Variants in SDR42E1 observed in about 807,000 individuals in gnomAD.
SDR42E1 encodes the protein short-chain dehydrogenase/reductase family 42E member 1.
In SDR42E1, 5 loss-of-function variants were observed where a neutral mutation model predicts 2.6. That is an observed-to-expected ratio of 1.94 (90% CI 1.01 to 4.08). The LOEUF is 4.08. Ranked by LOEUF, SDR42E1 falls within the 30% of genes most tolerant of loss-of-function variation. The pLI, the probability that SDR42E1 is intolerant of heterozygous loss-of-function variation, is 0.00. For missense variants in SDR42E1, 596 were observed against 478.6 expected, an observed-to-expected ratio of 1.25 and a Z score of -2.29; for synonymous variants, 231 against 188.3, an observed-to-expected ratio of 1.23 and a Z score of -1.86.
chr16:82,007,831 T>G (rs4889450), intron 1 of SDR42E1: 145,426 of 152,306 alleles, frequency 0.95, 69,510 homozygotes, highest in East Asian at 1. Flanking sequence ...TTCCCTGTGT[T>G]ACCCTAGGCA....
At chr16:82,006,802 C>G (rs1338565174) in intron 1 of SDR42E1, among the ~76,000 whole-genome samples, 1 of 151,544 alleles carries the variant, frequency 6.6e-6, no homozygotes, top group Non-Finnish European at 1.5e-5. Flanking sequence ...TCAAAAAAAA[C>G]AAAAAACAAA....
At position 81,999,878 on chromosome 16, in the gene SDR42E1, A is replaced by T; in HGVS notation, c.415T>A (p.Ser139Thr). The T allele has an allele frequency of 6.2e-7, 1 of 1,614,130 alleles. No individual in the cohort carries two copies. The highest frequency in any genetic ancestry group is 8.5e-7 in the Non-Finnish European group (1 of 1,180,038). Residue 139 changes from serine (S) to threonine (T), a missense_variant, in exon 3 of 3, where the codon TCT (serine) becomes ACT (threonine). By Grantham distance (58) the Ser-to-Thr change is moderately conservative. Transcript: ENST00000328945. Reference protein sequence around the residue: ...GGQVIRNGDESLPYLPLHLHP... With the variant: ...GGQVIRNGDETLPYLPLHLHP... ...AGGTGAAGAGGCAGGTAGGGCAGAGATTCATCCCCATTTCTGATAACTTGA... is the reference window on the plus strand; with the variant it reads ...AGGTGAAGAGGCAGGTAGGGCAGAGTTTCATCCCCATTTCTGATAACTTGA...
intron 1 of SDR42E1, among the ~76,000 whole-genome samples, chr16:82,010,111 C>G (rs1257933250): frequency 1.3e-5 from 2 of 152,214 alleles, no homozygotes; most frequent in Non-Finnish European, 2.9e-5. Context: ...AACTGTGAGT[C>G]CATCAAACCT....
chr16:82,002,362 T>C (rs901458112), intron 1 of SDR42E1, among the ~76,000 whole-genome samples: 17 of 152,184 alleles, frequency 1.1e-4, no homozygotes, highest in African/African-American at 3.6e-4. Context: ...TTCTCTTCTG[T>C]CTGGTTGTGT....
intron 1 of SDR42E1, among the ~76,000 whole-genome samples, chr16:82,005,796 A>G (rs572749911): frequency 1.6e-4 from 25 of 152,304 alleles, no homozygotes; most frequent in African/African-American, 5.8e-4. Flanking sequence ...ATTTTAGTGG[A>G]TACAGGTTAA....
At chr16:82,010,787 C>A (rs75149747) in intron 1 of SDR42E1, among the ~76,000 whole-genome samples, 6,640 of 152,234 alleles carry the variant, frequency 0.044, 590 homozygotes, top group East Asian at 0.22. Flanking sequence ...TCGTCAGGAC[C>A]GCCTGAGGCT....
intron 1 of SDR42E1, among the ~76,000 whole-genome samples, chr16:82,006,167 TTTAAGACTG>T (rs1449949200): frequency 6.6e-6 from 1 of 151,450 alleles, no homozygotes; most frequent in Non-Finnish European, 1.5e-5. Flanking sequence ...ACAGCGGGAA[TTTAAGACTG>T]TTACCATAAA....
rs1912705141 is a variant in SDR42E1, at chr16:82,000,127, CTTG to C, written c.163_165del (p.Gln55del). The stretch of plus-strand genomic sequence containing the variant: ...ACGTCAGACAGGTGGCGGATGTCTC[CTTG>C]TATAAACTTGATTCCTTCTGGAATG... On this transcript the variant is annotated inframe_deletion, in exon 3 of 3. Coordinates refer to ENST00000328945, the MANE Select transcript of SDR42E1 (RefSeq NM_145168.3). 6.2e-7 allele frequency: 1 copy of C among 1,614,220 alleles called. No homozygotes were observed. The highest frequency in any genetic ancestry group is 1.3e-5 in the African/African-American group (1 of 75,054).
chr16:82,009,678 G>T (rs1285730804), intron 1 of SDR42E1, among the ~76,000 whole-genome samples: 2 of 152,222 alleles, frequency 1.3e-5, no homozygotes, highest in African/African-American at 4.8e-5. Flanking sequence ...GAAGGGGCTT[G>T]CCTTGCCTCA....
intron 1 of SDR42E1, among the ~76,000 whole-genome samples, chr16:82,005,418 C>G (rs530284424): frequency 2.0e-5 from 3 of 152,180 alleles, no homozygotes; most frequent in Non-Finnish European, 4.4e-5. Flanking sequence ...GCCAGTAAAG[C>G]CTTCACAGGA....
chr16:81,995,041 A>C lies in SDR42E1; in HGVS notation c.*4070T>G, dbSNP rs1421390354. On this transcript the variant is annotated 3_prime_UTR_variant, in exon 3 of 3. Coordinates refer to ENST00000328945, the MANE Select transcript of SDR42E1 (RefSeq NM_145168.3). Reference sequence around the variant, plus strand: ...ACCAGAAACGGCACTGAGGACATCCAAGAAGTATTTCCAACAGGCTTTCCA... The same window carrying C: ...ACCAGAAACGGCACTGAGGACATCCCAGAAGTATTTCCAACAGGCTTTCCA... The C allele has an allele frequency of 1.3e-5, 2 of 152,230 alleles. No homozygotes were observed. The highest frequency in any genetic ancestry group is 2.9e-5 in the Non-Finnish European group (2 of 68,068). The allele number at this position is 152,230 out of a possible 1,614,324, so 9.4% of individuals were successfully genotyped here. A position where few individuals can be genotyped will look rare whatever the true frequency, so the allele number is the denominator to read the frequency against.
rs576816229 is a variant in SDR42E1 at position 82,000,614 on chromosome 16, C to T, written c.68+177G>A. Among the ~76,000 whole-genome samples, 5 of 152,278 alleles carry T rather than the reference C, an allele frequency of 3.3e-5. 1 individual carries two copies. The South Asian group carries it at 1.0e-3, about 32-fold the overall frequency. On this transcript the variant is annotated intron_variant, in intron 2 of 2. Coordinates refer to ENST00000328945, the MANE Select transcript of SDR42E1 (RefSeq NM_145168.3). ...TTTAATGGCTTTATAAATAATTTTT[C>T]TTTAAGTGAAATATACCTGTAGTTC...
intron 1 of SDR42E1, among the ~76,000 whole-genome samples, chr16:82,002,724 T>C (rs1453035282): frequency 6.6e-6 from 1 of 152,190 alleles, no homozygotes; most frequent in Non-Finnish European, 1.5e-5. Flanking sequence ...TTGTGTGATT[T>C]TGGACTGTGT....
At chr16:82,007,384 GC>G (rs911361718) in intron 1 of SDR42E1, among the ~76,000 whole-genome samples, 3 of 152,164 alleles carry the variant, frequency 2.0e-5, no homozygotes, top group African/African-American at 7.2e-5. Context: ...CTTACTCTCT[GC>G]CAGGCATTGT....
At chr16:82,005,878 A>G (rs184613593) in intron 1 of SDR42E1, among the ~76,000 whole-genome samples, 2 of 152,252 alleles carry the variant, frequency 1.3e-5, no homozygotes, top group Non-Finnish European at 2.9e-5. Flanking sequence ...TAAATTTAAA[A>G]ATCCACCTGA....
rs1408973355 is a variant in SDR42E1, at chr16:81,989,870, C to T, written c.*9241G>A. 6.6e-6 allele frequency: 1 copy of T among 152,134 alleles called. No homozygotes were observed. Among genetic ancestry groups the T allele is most frequent in the African/African-American group, 2.4e-5 (1 of 41,386 alleles). The allele number at this position is 152,134 out of a possible 1,614,324, so 9.4% of individuals were successfully genotyped here. A position where few individuals can be genotyped will look rare whatever the true frequency, so the allele number is the denominator to read the frequency against. On this transcript the variant is annotated 3_prime_UTR_variant, in exon 3 of 3. Transcript: ENST00000328945. The stretch of plus-strand genomic sequence containing the variant: ...AAAATTAGCTGAGCGTGGTGGCGGG[C>T]ACCTGTAATCCCACCTACTTGGGAG...
chr16:82,002,963 T>C (rs551502891), intron 1 of SDR42E1, among the ~76,000 whole-genome samples: 2 of 152,300 alleles, frequency 1.3e-5, no homozygotes, highest in South Asian at 2.1e-4. Flanking sequence ...TGACTACATC[T>C]CTCAAAAGCA....
intron 1 of SDR42E1, among the ~76,000 whole-genome samples, chr16:82,009,199 C>T (rs1216604202): frequency 3.3e-5 from 5 of 152,292 alleles, no homozygotes; most frequent in Admixed American, 3.3e-4. Context: ...ACTGCTAGAG[C>T]AGCATGGAAG....
chr16:82,000,556 GT>G, intron 2 of SDR42E1: 1 of 587,530 alleles, frequency 1.7e-6, no homozygotes, highest in Non-Finnish European at 3.0e-6. Context: ...ATTTAAAATT[GT>G]TTTTGGTGAT....
Sources: allele counts gnomAD v4.1 joint callset (sites outside exome capture counted in the v4.1 genomes callset), GRCh38; gene constraint gnomAD v4.1.1; transcripts MANE v1.5; gene names NCBI Gene and HGNC (gene_info 2026-07-23, HGNC 2026-07-21).